Variants in ZFP69B observed in about 807,000 individuals in gnomAD.
ZFP69B encodes the protein ZFP69 zinc finger protein B.
In ZFP69B, 20 loss-of-function variants were observed where a neutral mutation model predicts 19.7. That is an observed-to-expected ratio of 1.02 (90% CI 0.71 to 1.48). The LOEUF (loss-of-function observed/expected upper bound fraction) is 1.48. ZFP69B is among the 40% of genes most tolerant of loss of function. The pLI is 0.00. For missense variants in ZFP69B, 583 were observed against 632.6 expected, an observed-to-expected ratio of 0.92 and a Z score of 0.84; for synonymous variants, 220 against 222.7, an observed-to-expected ratio of 0.99 and a Z score of 0.11.
In ZFP69B at chr1:40,463,558, A is replaced by C. The variant is rs534099021; in HGVS notation, c.1574A>C (p.His525Pro). ...SSSLIRHCKT[H>P]LRNTFSNVV ...TCCCTTATTAGACACTGCAAAACAC[A>C]TTTAAGAAATACCTTCAGCAATGTT... Residue 525 changes from histidine to proline, a missense_variant, in exon 5 of 5, where the codon CAT (histidine) becomes CCT (proline). Physicochemically the swap from His to Pro is moderately conservative, Grantham distance 77. Coordinates refer to ENST00000361584, the MANE Select transcript of ZFP69B (RefSeq NM_023070.3). The C allele has an allele frequency of 5.0e-6, 8 of 1,610,808 alleles. No individual in the cohort carries two copies. The South Asian group carries it at 8.8e-5, about 18-fold the overall frequency.
rs1254522196 is a variant in ZFP69B at position 40,450,725 on chromosome 1, C to T, written c.-237C>T. The T allele has an allele frequency of 6.4e-6, 2 of 310,340 alleles. No individual in the cohort carries two copies. Among genetic ancestry groups the T allele is most frequent in the African/African-American group, 2.2e-5 (1 of 45,848 alleles). The allele number at this position is 310,340 out of a possible 1,614,324, so 19.2% of individuals were successfully genotyped here. ...GCTGGCCAAGGAGACAGATGGAGCT[C>T]AAGTTGGGAGATACGCCCTGAGAGC... On this transcript the variant is annotated 5_prime_UTR_variant, in exon 1 of 5. It introduces an in-frame stop codon into an upstream open reading frame of the 5' UTR. Transcript: ENST00000361584.
rs186451872 is a variant in ZFP69B at position 40,461,165 on chromosome 1, A to T, written c.437-1256A>T. On this transcript the variant is annotated intron_variant, in intron 4 of 4. Transcript: ENST00000361584. ...CATCACAAAAAAAAAAAAAAAAAAG[A>T]TATAGACTTAAAACAGATGTAGATA... Among the ~76,000 whole-genome samples, 22 of 149,858 alleles carry T rather than the reference A, an allele frequency of 1.5e-4. No homozygotes were observed. The East Asian group carries it at 4.3e-3, about 29-fold the overall frequency.
At chr1:40,459,764 T>C (rs879369887) in intron 4 of ZFP69B, among the ~76,000 whole-genome samples, 1 of 152,188 alleles carries the variant, frequency 6.6e-6, no homozygotes, top group African/African-American at 2.4e-5. Flanking sequence ...ATCAGTAATC[T>C]AAACATCTCT....
In ZFP69B at chr1:40,462,067, T is replaced by G. The variant is rs924976889; in HGVS notation, c.437-354T>G. ...CACACCACCATGCCTGGTTTTTTTG[T>G]TTGTTTGTTTGTTTGTTTGTTTGTT... is the stretch of plus-strand genomic sequence containing the variant. On this transcript the variant is annotated intron_variant, in intron 4 of 4. Coordinates refer to ENST00000361584, the MANE Select transcript of ZFP69B (RefSeq NM_023070.3). 4.5e-4 allele frequency among the ~76,000 whole-genome samples: 49 copies of G among 108,272 alleles called. 2 individuals carry two copies. The allele number at this position is 108,272 out of a possible 152,430, so 71.0% of individuals were successfully genotyped here. A position where few individuals can be genotyped will look rare whatever the true frequency, so the allele number is the denominator to read the frequency against.
intron 4 of ZFP69B, among the ~76,000 whole-genome samples, chr1:40,458,404 A>G (rs1645253253): frequency 1.3e-5 from 2 of 152,152 alleles, no homozygotes; most frequent in Non-Finnish European, 2.9e-5. Context: ...GATAGGCTAA[A>G]CTACTGTAAT....
intron 1 of ZFP69B, among the ~76,000 whole-genome samples, chr1:40,453,477 G>A (rs1645204378): frequency 6.6e-6 from 1 of 152,182 alleles, no homozygotes; most frequent in South Asian, 2.1e-4. Flanking sequence ...CTTTTGGGAA[G>A]CATAGGAGAG....
In ZFP69B at chr1:40,450,758, A is replaced by T; in HGVS notation, c.-204A>T. Reference sequence around the variant, plus strand: ...GAGATACGCCCTGAGAGCCGATGATAGACACAAGTCCAGATCTCGGATTTT... The same window carrying T: ...GAGATACGCCCTGAGAGCCGATGATTGACACAAGTCCAGATCTCGGATTTT... On this transcript the variant is annotated 5_prime_UTR_variant, in exon 1 of 5. An upstream open reading frame in the 5' UTR gains an earlier in-frame stop. Coordinates refer to ENST00000361584, the MANE Select transcript of ZFP69B (RefSeq NM_023070.3). The T allele has an allele frequency of 2.4e-6, 1 of 412,784 alleles. No individual in the cohort carries two copies. The highest frequency in any genetic ancestry group is 4.0e-6 in the Non-Finnish European group (1 of 253,106). The allele number at this position is 412,784 out of a possible 1,614,324, so 25.6% of individuals were successfully genotyped here. A position where few individuals can be genotyped will look rare whatever the true frequency, so the allele number is the denominator to read the frequency against.
At chr1:40,458,374 A>G (rs1477171885) in intron 4 of ZFP69B, among the ~76,000 whole-genome samples, 1 of 151,896 alleles carries the variant, frequency 6.6e-6, no homozygotes, top group Non-Finnish European at 1.5e-5. Context: ...ATGCAGATAC[A>G]TGATTTCTGC....
intron 2 of ZFP69B, among the ~76,000 whole-genome samples, chr1:40,455,841 G>T (rs1403988328): frequency 6.6e-6 from 1 of 152,148 alleles, no homozygotes; most frequent in Non-Finnish European, 1.5e-5. Context: ...CCACTTATGA[G>T]TGAGAACATC....
chr1:40,457,395 A>C lies in ZFP69B; in HGVS notation c.392A>C (p.Glu131Ala), dbSNP rs1645243869. 6.2e-7 allele frequency: 1 copy of C among 1,614,084 alleles called. No individual in the cohort carries two copies. The highest frequency in any genetic ancestry group is 1.3e-5 in the African/African-American group (1 of 74,932). ...GVISQLEKGE[E>A]PWLMERDISG... ...ATTTCCCAGTTGGAGAAAGGAGAAG[A>C]ACCATGGCTGATGGAGAGAGATATT... The change falls in exon 4 of 5, where the codon GAA becomes GCA. Residue 131 changes from glutamate to alanine, a missense_variant. By Grantham distance (107) the Glu-to-Ala change is moderately radical. Transcript: ENST00000361584.
chr1:40,451,884 G>T (rs574738279), intron 1 of ZFP69B, among the ~76,000 whole-genome samples: 22 of 152,280 alleles, frequency 1.4e-4, no homozygotes, highest in African/African-American at 5.3e-4. Context: ...GCCAAGGTGG[G>T]CGGATTGCTT....
chr1:40,457,692 C>A (rs1233848829), intron 4 of ZFP69B, among the ~76,000 whole-genome samples: 1 of 152,158 alleles, frequency 6.6e-6, no homozygotes, highest in Non-Finnish European at 1.5e-5. Context: ...ATGATTTTTA[C>A]CTCTTTCTCC....
Position 40,462,555 on chromosome 1 carries a change from A to C in ZFP69B, c.571A>C (p.Lys191Gln). Residue 191 changes from lysine (K) to glutamine (Q), a missense_variant, in exon 5 of 5, where the codon AAA (lysine) becomes CAA (glutamine). Transcript: ENST00000361584. ...SMYSTLGRIS[K>Q]CNKLESQQEN... ...GTATTCCACCTTGGGAAGAATCTCC[A>C]AATGTAATAAGCTAGAAAGCCAACA... The C allele has an allele frequency of 6.2e-7, 1 of 1,614,188 alleles. No homozygotes were observed. The highest frequency in any genetic ancestry group is 8.5e-7 in the Non-Finnish European group (1 of 1,180,030).
At chr1:40,461,014 C>A (rs1213229633) in intron 4 of ZFP69B, among the ~76,000 whole-genome samples, 1 of 146,836 alleles carries the variant, frequency 6.8e-6, no homozygotes, top group Non-Finnish European at 1.5e-5. Context: ...GGTGTGGTGG[C>A]GCATACCTGT....
intron 4 of ZFP69B, among the ~76,000 whole-genome samples, chr1:40,458,512 G>GTTTTTTTTTTTTTTTTTTT (rs11343581): frequency 2.2e-5 from 3 of 139,190 alleles, no homozygotes; most frequent in Non-Finnish European, 1.6e-5. Context: ...TGGAGAAATT[G>GTTTTTTTTTTTTTTTTTTT]TTTTTTTTTT....
chr1:40,452,162 G>A (rs928165900), intron 1 of ZFP69B, among the ~76,000 whole-genome samples: 2 of 151,990 alleles, frequency 1.3e-5, no homozygotes, highest in African/African-American at 4.8e-5. Flanking sequence ...TAGAAAGAAT[G>A]ATAGAATCTT....
rs61748795 is a variant in ZFP69B, at chr1:40,462,803, T to C, written c.819T>C (p.Tyr273=). Residue 273 remains tyrosine, a synonymous_variant, in exon 5 of 5, where the codon TAT becomes TAC. Transcript: ENST00000361584. ...NIDLVNHSRS[Y]TKMKTFECNI... ...ATTTAGTTAATCATTCAAGGAGTTATACAAAAATGAAAACCTTTGAGTGTA... is the reference window on the plus strand; with the variant it reads ...ATTTAGTTAATCATTCAAGGAGTTACACAAAAATGAAAACCTTTGAGTGTA... 191 of 1,613,576 alleles carry C rather than the reference T, an allele frequency of 1.2e-4. 1 individual carries two copies. The African/African-American group carries it at 2.2e-3, about 19-fold the overall frequency.
intron 4 of ZFP69B, among the ~76,000 whole-genome samples, chr1:40,459,547 A>G (rs1341850863): frequency 6.6e-6 from 1 of 152,098 alleles, no homozygotes; most frequent in Non-Finnish European, 1.5e-5. Flanking sequence ...ATCCATTTCT[A>G]CTGTTCATCT....
chr1:40,463,427 G>C lies in ZFP69B; in HGVS notation c.1443G>C (p.Gly481=). Residue 481 remains glycine, a synonymous_variant, in exon 5 of 5, where the codon GGG becomes GGC. Coordinates refer to ENST00000361584, the MANE Select transcript of ZFP69B (RefSeq NM_023070.3). ...AACCTTATGAATGCAGTCATTGTGG[G>C]AAAGCCTTTAGGCATGATTCATCCT... The part of the protein sequence containing the change: ...GVKPYECSHC[G]KAFRHDSSFA... The C allele has an allele frequency of 6.2e-7, 1 of 1,614,070 alleles. No homozygotes were observed. The highest frequency in any genetic ancestry group is 8.5e-7 in the Non-Finnish European group (1 of 1,180,008).
Sources: allele counts gnomAD v4.1 joint callset (sites outside exome capture counted in the v4.1 genomes callset), GRCh38; gene constraint gnomAD v4.1.1; transcripts MANE v1.5; gene names NCBI Gene and HGNC (gene_info 2026-07-23, HGNC 2026-07-21).